ADGRB3: variants seen among roughly 807,000 people sequenced by gnomAD.
ADGRB3 encodes the protein adhesion G protein-coupled receptor B3, also known as brain-specific angiogenesis inhibitor 3.
A neutral mutation model predicts 193.4 loss-of-function variants in ADGRB3; 37 were observed. The ratio of observed to expected loss-of-function variants is 0.19; its 90% CI spans 0.15 to 0.25. The LOEUF (loss-of-function observed/expected upper bound fraction) is 0.25. Ranked by LOEUF, ADGRB3 falls within the 10% of genes least tolerant of loss-of-function variation. The pLI is 1.00. For synonymous variants in ADGRB3, 690 were observed against 644.2 expected, an observed-to-expected ratio of 1.07 and a Z score of -1.08; for missense variants, 1,637 against 1,852.9, an observed-to-expected ratio of 0.88 and a Z score of 2.14.
chr6:69,295,586 C>A (rs1388342215), intron 20 of ADGRB3, among the ~76,000 whole-genome samples: 1 of 152,192 alleles, frequency 6.6e-6, no homozygotes, highest in South Asian at 2.1e-4. Flanking sequence ...TGTTTTTATA[C>A]CATAAACCCA....
chr6:68,954,995 A>G (rs977538041), intron 6 of ADGRB3, among the ~76,000 whole-genome samples: 44 of 152,204 alleles, frequency 2.9e-4, no homozygotes, highest in African/African-American at 1.1e-3. Context: ...TGAGAATAAT[A>G]TCCAAAATCC....
At chr6:68,910,788 A>G (rs1766681820) in intron 3 of ADGRB3, among the ~76,000 whole-genome samples, 1 of 152,138 alleles carries the variant, frequency 6.6e-6, no homozygotes, top group Admixed American at 6.5e-5. Context: ...TACCAGTACC[A>G]TGCTGTTTTG....
At chr6:69,060,054 C>T (rs891127022) in intron 15 of ADGRB3, among the ~76,000 whole-genome samples, 3 of 151,902 alleles carry the variant, frequency 2.0e-5, no homozygotes, top group Non-Finnish European at 4.4e-5. Context: ...GGTAGGTGCA[C>T]GTTACTGTAT....
At chr6:68,858,836 C>T (rs922693856) in intron 3 of ADGRB3, among the ~76,000 whole-genome samples, 2 of 152,252 alleles carry the variant, frequency 1.3e-5, no homozygotes, top group Admixed American at 6.5e-5. Context: ...GCCAACAAAA[C>T]CATTGTTTTC....
At chr6:69,048,609 C>T (rs1264138295) in intron 14 of ADGRB3, among the ~76,000 whole-genome samples, 2 of 152,000 alleles carry the variant, frequency 1.3e-5, no homozygotes, top group Non-Finnish European at 2.9e-5. Context: ...TGGTTTTATA[C>T]CCGTATAAAG....
intron 3 of ADGRB3, among the ~76,000 whole-genome samples, chr6:68,651,016 G>A (rs975145652): frequency 2.0e-5 from 3 of 152,070 alleles, no homozygotes; most frequent in African/African-American, 7.2e-5. Flanking sequence ...GGGCAACTTG[G>A]GAAGACAAAA....
At chr6:68,796,463 T>C (rs1383866748) in intron 3 of ADGRB3, among the ~76,000 whole-genome samples, 7 of 152,188 alleles carry the variant, frequency 4.6e-5, no homozygotes, top group Non-Finnish European at 1.0e-4. Flanking sequence ...TATTCACATT[T>C]TATGCCAGAG....
chr6:69,128,886 C>A (rs1013538631), intron 17 of ADGRB3, among the ~76,000 whole-genome samples: 1 of 152,116 alleles, frequency 6.6e-6, no homozygotes, highest in African/African-American at 2.4e-5. Context: ...TATTGAATGT[C>A]TTCTCACTTC....
chr6:69,158,111 A>G (rs1343826836), intron 17 of ADGRB3, among the ~76,000 whole-genome samples: 1 of 152,144 alleles, frequency 6.6e-6, no homozygotes, highest in East Asian at 1.9e-4. Flanking sequence ...TAAAAGATAT[A>G]TAAACCCTAG....
chr6:68,765,308 T>C (rs1766487366), intron 3 of ADGRB3, among the ~76,000 whole-genome samples: 1 of 152,126 alleles, frequency 6.6e-6, no homozygotes, highest in African/African-American at 2.4e-5. Flanking sequence ...GTCTGTCTGT[T>C]TTGTGAAGCA....
At chr6:68,865,330 T>C (rs1054533929) in intron 3 of ADGRB3, among the ~76,000 whole-genome samples, 1 of 152,170 alleles carries the variant, frequency 6.6e-6, no homozygotes, top group African/African-American at 2.4e-5. Flanking sequence ...TTCTCTTTTT[T>C]CCCAAGCACA....
chr6:68,948,358 T>C (rs13193787), intron 6 of ADGRB3, among the ~76,000 whole-genome samples: 102,364 of 151,886 alleles, frequency 0.67, 35,193 homozygotes, highest in Middle Eastern at 0.83. Context: ...CCCTCTACGG[T>C]GATTTGATCA....
intron 10 of ADGRB3, among the ~76,000 whole-genome samples, chr6:68,992,801 TA>T (rs1769272856): frequency 6.6e-6 from 1 of 152,202 alleles, no homozygotes; most frequent in Non-Finnish European, 1.5e-5. Flanking sequence ...TGCCATACTT[TA>T]AAAGATTTGT....
At chr6:69,280,880 T>C (rs1767420982) in intron 20 of ADGRB3, among the ~76,000 whole-genome samples, 1 of 152,060 alleles carries the variant, frequency 6.6e-6, no homozygotes, top group Admixed American at 6.6e-5. Context: ...AGGAACATAA[T>C]ACAAAAGAAA....
intron 3 of ADGRB3, among the ~76,000 whole-genome samples, chr6:68,719,317 A>G (rs564342680): frequency 6.6e-5 from 10 of 151,872 alleles, no homozygotes; most frequent in Admixed American, 4.6e-4. Flanking sequence ...GCTATGGAAC[A>G]TTTTAGGTAT....
intron 3 of ADGRB3, among the ~76,000 whole-genome samples, chr6:68,736,249 G>T (rs1236441550): frequency 6.6e-6 from 1 of 152,010 alleles, no homozygotes; most frequent in East Asian, 1.9e-4. Context: ...AAACTCCTGG[G>T]CTCAAGCTAT....
chr6:68,658,016 C>A (rs1417710986), intron 3 of ADGRB3, among the ~76,000 whole-genome samples: 1 of 151,238 alleles, frequency 6.6e-6, no homozygotes, highest in East Asian at 1.9e-4. Context: ...ACTACTAAGC[C>A]CATACTTTGT....
At chr6:69,049,759 T>G (rs1235393034) in intron 15 of ADGRB3, among the ~76,000 whole-genome samples, 1 of 152,180 alleles carries the variant, frequency 6.6e-6, no homozygotes, top group Non-Finnish European at 1.5e-5. Context: ...AACATGGTAT[T>G]GTTTATTTGC....
intron 3 of ADGRB3, among the ~76,000 whole-genome samples, chr6:68,884,089 CTT>C (rs1488465697): frequency 1.5e-4 from 23 of 152,326 alleles, no homozygotes; most frequent in East Asian, 7.7e-4. Flanking sequence ...CCTTCTCTCT[CTT>C]GCGAATGAGA....
Sources: allele counts gnomAD v4.1 joint callset (sites outside exome capture counted in the v4.1 genomes callset), GRCh38; gene constraint gnomAD v4.1.1; transcripts MANE v1.5; gene names NCBI Gene and HGNC (gene_info 2026-07-23, HGNC 2026-07-21).